Variants in GLIS3 observed in about 807,000 individuals in gnomAD.
GLIS3 encodes the protein GLIS family zinc finger 3, also known as zinc finger protein GLIS3.
In GLIS3, 53 loss-of-function variants were observed where a neutral mutation model predicts 78.6. That is an observed-to-expected ratio of 0.67 (90% CI 0.54 to 0.85). The LOEUF (loss-of-function observed/expected upper bound fraction) is 0.85, where lower values mean the gene tolerates loss of function less well. Among genes scored for constraint, GLIS3 ranks in the 40% least tolerant of loss-of-function variants. The pLI, the probability that GLIS3 is intolerant of heterozygous loss-of-function variation, is 0.00. For missense variants in GLIS3, 1,703 were observed against 1,231.1 expected, an observed-to-expected ratio of 1.38 and a Z score of -5.74; for synonymous variants, 684 against 509.9, an observed-to-expected ratio of 1.34 and a Z score of -4.60.
intron 4 of GLIS3, among the ~76,000 whole-genome samples, chr9:3,991,933 G>C (rs368747151): frequency 6.6e-6 from 1 of 151,916 alleles, no homozygotes; most frequent in South Asian, 2.1e-4. Context: ...TTCGTGATCC[G>C]CCCGCCTCGG....
At chr9:4,335,155 G>A (rs538528636) in intron 2 of GLIS3, among the ~76,000 whole-genome samples, 7 of 152,090 alleles carry the variant, frequency 4.6e-5, no homozygotes, top group South Asian at 2.1e-4. Context: ...TGATCCACCC[G>A]CCTTGGCATC....
chr9:4,217,915 G>A (rs1038206179), intron 2 of GLIS3, among the ~76,000 whole-genome samples: 3 of 152,234 alleles, frequency 2.0e-5, no homozygotes, highest in Non-Finnish European at 2.9e-5. Flanking sequence ...AATGCAAGAT[G>A]AGGACTTACA....
intron 2 of GLIS3, among the ~76,000 whole-genome samples, chr9:4,137,412 C>T (rs1354769967): frequency 2.6e-5 from 4 of 152,176 alleles, no homozygotes; most frequent in African/African-American, 9.7e-5. Flanking sequence ...GAATGCTGTC[C>T]ACCAAGTATG....
intron 2 of GLIS3, among the ~76,000 whole-genome samples, chr9:4,344,184 A>G (rs1817872636): frequency 6.6e-6 from 1 of 151,990 alleles, no homozygotes; most frequent in African/African-American, 2.4e-5. Context: ...CTTTACAGCA[A>G]GTCTCCCGAT....
chr9:4,324,168 TA>T (rs1805356299), intron 2 of GLIS3, among the ~76,000 whole-genome samples: 1 of 152,236 alleles, frequency 6.6e-6, no homozygotes, highest in South Asian at 2.1e-4. Flanking sequence ...AAACTGTGCA[TA>T]ATAATTTCCC....
At chr9:4,039,026 CGT>C (rs1381181370) in intron 4 of GLIS3, among the ~76,000 whole-genome samples, 4 of 152,134 alleles carry the variant, frequency 2.6e-5, no homozygotes, top group Non-Finnish European at 5.9e-5. Flanking sequence ...AGGAATCATC[CGT>C]CTCTTACAAA....
chr9:3,833,356 T>TA (rs1421991387), intron 9 of GLIS3, among the ~76,000 whole-genome samples: 1 of 152,206 alleles, frequency 6.6e-6, no homozygotes, highest in Non-Finnish European at 1.5e-5. Flanking sequence ...CAACACTTTT[T>TA]AAAAAATTCC....
chr9:3,934,028 A>C (rs942472909), intron 5 of GLIS3, among the ~76,000 whole-genome samples: 3 of 152,218 alleles, frequency 2.0e-5, no homozygotes, highest in Admixed American at 2.0e-4. Context: ...ACTGTGTTTC[A>C]GACTAGGGAT....
At chr9:4,204,678 G>A (rs1586969626) in intron 2 of GLIS3, among the ~76,000 whole-genome samples, 1 of 152,138 alleles carries the variant, frequency 6.6e-6, no homozygotes, top group Non-Finnish European at 1.5e-5. Context: ...AGCACTTTGG[G>A]AGGCCGAGGC....
the GLIS3 span, among the ~76,000 whole-genome samples, chr9:4,437,434 A>ATCTATCTATCTATCTG: frequency 6.6e-6 from 1 of 150,786 alleles, no homozygotes; most frequent in African/African-American, 2.4e-5. Context: ...CTATCTATCT[A>ATCTATCTATCTATCTG]TCTATCTATC....
intron 4 of GLIS3, among the ~76,000 whole-genome samples, chr9:4,104,199 C>T (rs1830586972): frequency 6.6e-6 from 1 of 152,082 alleles, no homozygotes; most frequent in South Asian, 2.1e-4. Flanking sequence ...GTCTAAAAGG[C>T]TCCTCAAACT....
At chr9:3,979,356 G>T (rs1819049766) in intron 4 of GLIS3, among the ~76,000 whole-genome samples, 1 of 152,178 alleles carries the variant, frequency 6.6e-6, no homozygotes, top group Non-Finnish European at 1.5e-5. Flanking sequence ...AGCCAAAGTT[G>T]TATTGACTCC....
At chr9:4,466,279 C>A in the GLIS3 span, among the ~76,000 whole-genome samples, 1 of 152,084 alleles carries the variant, frequency 6.6e-6, no homozygotes, top group Non-Finnish European at 1.5e-5. Context: ...TCGAACTGCC[C>A]AATACCAATA....
In GLIS3 at chr9:4,287,614, C is replaced by T. The variant is rs144168457; in HGVS notation, c.-98-1091G>A. 5.9e-5 allele frequency among the ~76,000 whole-genome samples: 9 copies of T among 152,298 alleles called. No homozygotes were observed. In the East Asian group the frequency reaches 1.7e-3, roughly 29 times the overall value. Reference sequence around the variant, plus strand: ...GTTCAACAAACACAGGAAATAAGGACTGAGTACAAAGCAGGAGTGACCAGA... The same window carrying T: ...GTTCAACAAACACAGGAAATAAGGATTGAGTACAAAGCAGGAGTGACCAGA... On this transcript the variant is annotated intron_variant, in intron 1 of 10. Coordinates refer to ENST00000381971, the MANE Select transcript of GLIS3 (RefSeq NM_001042413.2).
At chr9:3,860,907 T>G (rs1336083480) in intron 8 of GLIS3, among the ~76,000 whole-genome samples, 1 of 152,174 alleles carries the variant, frequency 6.6e-6, no homozygotes, top group Non-Finnish European at 1.5e-5. Context: ...TATATTTTAG[T>G]AAGGGGAGAC....
the GLIS3 span, among the ~76,000 whole-genome samples, chr9:4,487,940 C>T: frequency 6.6e-6 from 1 of 152,144 alleles, no homozygotes; most frequent in Non-Finnish European, 1.5e-5. Context: ...GATCCTTCTG[C>T]CTCAGCCTCC....
chr9:4,288,747 A>T (rs1214658611), intron 1 of GLIS3, among the ~76,000 whole-genome samples: 3 of 22,102 alleles, frequency 1.4e-4, no homozygotes, highest in African/African-American at 1.8e-4. Flanking sequence ...AAGTAAAAAC[A>T]ACAAAAAGTA....
intron 2 of GLIS3, among the ~76,000 whole-genome samples, chr9:4,341,062 C>T (rs1007345763): frequency 6.6e-6 from 1 of 152,198 alleles, no homozygotes; most frequent in Non-Finnish European, 1.5e-5. Context: ...GTCTTTCTTC[C>T]CTCTAATCCA....
intron 9 of GLIS3, among the ~76,000 whole-genome samples, chr9:3,849,983 G>A (rs969926081): frequency 4.6e-5 from 7 of 152,056 alleles, no homozygotes; most frequent in African/African-American, 7.2e-5. Context: ...TTGCTGTAAC[G>A]TGATAAATGA....
Sources: allele counts gnomAD v4.1 joint callset (sites outside exome capture counted in the v4.1 genomes callset), GRCh38; gene constraint gnomAD v4.1.1; transcripts MANE v1.5; gene names NCBI Gene and HGNC (gene_info 2026-07-23, HGNC 2026-07-21).